TBC1D22A: variants seen among roughly 807,000 people sequenced by gnomAD.
The protein encoded by TBC1D22A is putative GTPase activator.
TBC1D22A carries 38 observed loss-of-function variants against 60.2 expected under a neutral mutation model. That is an observed-to-expected ratio of 0.63 (90% CI 0.49 to 0.83). TBC1D22A has a LOEUF of 0.83. Ranked by LOEUF, TBC1D22A falls within the 40% of genes least tolerant of loss-of-function variation. The pLI is 0.00. For missense variants in TBC1D22A, 628 were observed against 701.0 expected, an observed-to-expected ratio of 0.90 and a Z score of 1.18; for synonymous variants, 302 against 281.7, an observed-to-expected ratio of 1.07 and a Z score of -0.72.
At chr22:47,122,766 G>GC (rs1198706110) in intron 12 of TBC1D22A, among the ~76,000 whole-genome samples, 2 of 152,206 alleles carry the variant, frequency 1.3e-5, no homozygotes, top group Non-Finnish European at 1.5e-5. Context: ...AGAAGCAGCG[G>GC]CGAGGCATCC....
chr22:46,883,735 C>G (rs1013122182), intron 5 of TBC1D22A, among the ~76,000 whole-genome samples: 2 of 152,238 alleles, frequency 1.3e-5, no homozygotes, highest in African/African-American at 4.8e-5. Context: ...GGCCCCTTCA[C>G]TGGCACACAG....
intron 8 of TBC1D22A, among the ~76,000 whole-genome samples, chr22:46,939,688 G>A (rs971059442): frequency 6.6e-6 from 1 of 152,206 alleles, no homozygotes; most frequent in Non-Finnish European, 1.5e-5. Context: ...CGACAAAATT[G>A]TAAGCCATCA....
chr22:46,774,903 A>G (rs2083638638), intron 1 of TBC1D22A, among the ~76,000 whole-genome samples: 2 of 152,196 alleles, frequency 1.3e-5, no homozygotes, highest in African/African-American at 4.8e-5. Context: ...TGCTGATAGA[A>G]TTTTTAAGTG....
intron 11 of TBC1D22A, among the ~76,000 whole-genome samples, chr22:47,088,846 C>T (rs566191765): frequency 1.5e-4 from 23 of 152,298 alleles, no homozygotes; most frequent in Middle Eastern, 3.4e-3. Context: ...CCTTCTGATG[C>T]GGTGAAATGT....
chr22:46,838,809 TATC>T (rs1321244076), intron 4 of TBC1D22A, among the ~76,000 whole-genome samples: 2 of 152,220 alleles, frequency 1.3e-5, no homozygotes, highest in African/African-American at 2.4e-5. Context: ...AGAAAAATTA[TATC>T]ATCTCAATAG....
chr22:46,969,713 C>G (rs189402982), intron 8 of TBC1D22A, among the ~76,000 whole-genome samples: 1 of 152,134 alleles, frequency 6.6e-6, no homozygotes, highest in Non-Finnish European at 1.5e-5. Flanking sequence ...CACCACCTTG[C>G]GGGCTCTTTG....
chr22:46,840,404 G>A (rs530068651), intron 4 of TBC1D22A, among the ~76,000 whole-genome samples: 4 of 152,186 alleles, frequency 2.6e-5, no homozygotes, highest in African/African-American at 4.8e-5. Context: ...AAATCACAAC[G>A]AGTTATCATT....
intron 12 of TBC1D22A, among the ~76,000 whole-genome samples, chr22:47,120,536 C>T (rs555320933): frequency 1.3e-5 from 2 of 152,358 alleles, no homozygotes; most frequent in Admixed American, 6.5e-5. Flanking sequence ...TCTGCTGCTT[C>T]CTGCTCTGGG....
intron 11 of TBC1D22A, among the ~76,000 whole-genome samples, chr22:47,056,632 G>T (rs1235433926): frequency 6.6e-6 from 1 of 152,186 alleles, no homozygotes. Flanking sequence ...CCTGAGCCGT[G>T]CAGCTGGCTG....
intron 7 of TBC1D22A, among the ~76,000 whole-genome samples, chr22:46,898,113 C>T (rs1186996759): frequency 2.0e-5 from 3 of 152,122 alleles, no homozygotes; most frequent in Non-Finnish European, 4.4e-5. Flanking sequence ...GAAATAGAGC[C>T]TGCCACAGGA....
At chr22:47,058,117 T>C (rs1391452229) in intron 11 of TBC1D22A, among the ~76,000 whole-genome samples, 3 of 152,168 alleles carry the variant, frequency 2.0e-5, no homozygotes, top group Non-Finnish European at 4.4e-5. Flanking sequence ...CGGTGGCCAC[T>C]GTTGTCTCAG....
At chr22:47,118,738 C>T (rs936304376) in intron 12 of TBC1D22A, among the ~76,000 whole-genome samples, 3 of 151,392 alleles carry the variant, frequency 2.0e-5, no homozygotes, top group African/African-American at 7.3e-5. Flanking sequence ...CAAGGAGGAC[C>T]GAGATAGATG....
intron 1 of TBC1D22A, among the ~76,000 whole-genome samples, chr22:46,784,955 C>T (rs1362390826): frequency 1.3e-5 from 2 of 152,160 alleles, no homozygotes; most frequent in Non-Finnish European, 1.5e-5. Flanking sequence ...GCCTTGAACC[C>T]GAGCCTTTGA....
At chr22:47,035,509 G>A (rs924206866) in intron 10 of TBC1D22A, among the ~76,000 whole-genome samples, 12 of 152,212 alleles carry the variant, frequency 7.9e-5, no homozygotes, top group Non-Finnish European at 1.5e-4. Context: ...GGAATGGAGC[G>A]TGTATTGCTG....
At chr22:47,020,600 T>G (rs2062053774) in intron 10 of TBC1D22A, among the ~76,000 whole-genome samples, 1 of 152,016 alleles carries the variant, frequency 6.6e-6, no homozygotes, top group Non-Finnish European at 1.5e-5. Context: ...GTTTCCAAGC[T>G]GGAGTTTGGG....
At chr22:47,154,972 G>A (rs976407595) in intron 12 of TBC1D22A, among the ~76,000 whole-genome samples, 12 of 152,322 alleles carry the variant, frequency 7.9e-5, no homozygotes, top group African/African-American at 2.6e-4. Context: ...TTTCTTGAGC[G>A]GCATCTCCAG....
chr22:47,078,397 C>T (rs993998040), intron 11 of TBC1D22A, among the ~76,000 whole-genome samples: 7 of 152,142 alleles, frequency 4.6e-5, no homozygotes, highest in Non-Finnish European at 8.8e-5. Context: ...TGCAAGTGTG[C>T]CCCCTCCCCT....
intron 8 of TBC1D22A, among the ~76,000 whole-genome samples, chr22:46,918,253 C>T (rs940314568): frequency 2.1e-4 from 32 of 152,218 alleles, no homozygotes; most frequent in Non-Finnish European, 4.3e-4. Context: ...TGTCCCTGTC[C>T]TAGGTTTGGA....
At chr22:46,843,873 T>C (rs1035324963) in intron 4 of TBC1D22A, among the ~76,000 whole-genome samples, 1 of 152,046 alleles carries the variant, frequency 6.6e-6, no homozygotes, top group African/African-American at 2.4e-5. Context: ...CAGCACCCTG[T>C]GTTCTCACAT....
Sources: gnomAD v4.1 joint callset for allele counts (sites outside exome capture counted in the v4.1 genomes callset) on GRCh38, gnomAD v4.1.1 for gene constraint, MANE v1.5 for transcripts, NCBI Gene and HGNC (gene_info 2026-07-23, HGNC 2026-07-21) for gene names.